Variants in LDLRAD4 observed in about 807,000 individuals in gnomAD.
LDLRAD4 encodes low density lipoprotein receptor class A domain containing 4.
In LDLRAD4, 5 loss-of-function variants were observed where a neutral mutation model predicts 17.0. The observed-to-expected ratio is 0.29, with a 90% confidence interval of 0.15 to 0.62. The LOEUF (loss-of-function observed/expected upper bound fraction) is 0.62, where lower values mean the gene tolerates loss of function less well. Among genes scored for constraint, LDLRAD4 ranks in the 20% least tolerant of loss-of-function variants. LDLRAD4 has a pLI of 0.84. For synonymous variants in LDLRAD4, 168 were observed against 171.8 expected, an observed-to-expected ratio of 0.98 and a Z score of 0.17; for missense variants, 340 against 424.7, an observed-to-expected ratio of 0.80 and a Z score of 1.75.
At chr18:13,406,007 A>G (rs544597748) in intron 2 of LDLRAD4, among the ~76,000 whole-genome samples, 48 of 152,308 alleles carry the variant, frequency 3.2e-4, no homozygotes, top group Non-Finnish European at 6.3e-4. Context: ...CTTCCTGTGC[A>G]ACTTTGAAAA....
intron 1 of LDLRAD4, among the ~76,000 whole-genome samples, chr18:13,231,758 G>A (rs1388600830): frequency 6.6e-6 from 1 of 152,204 alleles, no homozygotes; most frequent in Admixed American, 6.5e-5. Flanking sequence ...CTAATTTCAT[G>A]TTCCTTGGCT....
At chr18:13,624,552 T>C (rs921011565) in intron 4 of LDLRAD4, among the ~76,000 whole-genome samples, 1 of 152,186 alleles carries the variant, frequency 6.6e-6, no homozygotes, top group African/African-American at 2.4e-5. Context: ...GGCTGGCCGA[T>C]TGTGCCTTTG....
At chr18:13,391,283 G>GT (rs1379099423) in intron 2 of LDLRAD4, among the ~76,000 whole-genome samples, 1 of 152,104 alleles carries the variant, frequency 6.6e-6, no homozygotes, top group Non-Finnish European at 1.5e-5. Flanking sequence ...CTTTAAGAGG[G>GT]TTTTGGGCAG....
intron 3 of LDLRAD4, among the ~76,000 whole-genome samples, chr18:13,476,473 A>T (rs755463175): frequency 2.6e-5 from 4 of 151,922 alleles, no homozygotes; most frequent in Non-Finnish European, 5.9e-5. Context: ...AAAAGTTAAG[A>T]ATTAGCCTGG....
At chr18:13,441,065 C>T (rs552572913) in intron 3 of LDLRAD4, among the ~76,000 whole-genome samples, 2 of 152,282 alleles carry the variant, frequency 1.3e-5, no homozygotes, top group Admixed American at 1.3e-4. Flanking sequence ...CTGGGAGCTC[C>T]GGGGCAGGTG....
chr18:13,595,275 T>C (rs1440414380), intron 3 of LDLRAD4, among the ~76,000 whole-genome samples: 2 of 152,196 alleles, frequency 1.3e-5, no homozygotes, highest in African/African-American at 4.8e-5. Flanking sequence ...TTTAATTTAT[T>C]CCTTTTGGTC....
intron 1 of LDLRAD4, among the ~76,000 whole-genome samples, chr18:13,337,868 G>A (rs966903550): frequency 3.3e-5 from 5 of 151,850 alleles, no homozygotes; most frequent in Admixed American, 3.3e-4. Context: ...CTAAAAAAAA[G>A]AAAAGCTCAT....
intron 1 of LDLRAD4, among the ~76,000 whole-genome samples, chr18:13,219,192 G>C (rs956704186): frequency 6.6e-6 from 1 of 151,794 alleles, no homozygotes; most frequent in African/African-American, 2.4e-5. Context: ...AGAGTACAGC[G>C]TTCTTGGGTC....
At chr18:13,498,924 C>G (rs1198284895) in intron 3 of LDLRAD4, among the ~76,000 whole-genome samples, 1 of 150,476 alleles carries the variant, frequency 6.6e-6, no homozygotes, top group African/African-American at 2.5e-5. Context: ...ACACGTCCCA[C>G]CGTGGACACC....
At chr18:13,336,489 T>G (rs1405513909) in intron 1 of LDLRAD4, among the ~76,000 whole-genome samples, 1 of 152,178 alleles carries the variant, frequency 6.6e-6, no homozygotes, top group Non-Finnish European at 1.5e-5. Context: ...TATGCATCTG[T>G]TGACTCTCAT....
At chr18:13,228,037 A>G (rs1174508269) in intron 1 of LDLRAD4, among the ~76,000 whole-genome samples, 1 of 152,178 alleles carries the variant, frequency 6.6e-6, no homozygotes, top group Non-Finnish European at 1.5e-5. Flanking sequence ...GCTGTGCCCC[A>G]TCTCCCTGGG....
chr18:13,507,106 T>C (rs2093706123), intron 3 of LDLRAD4, among the ~76,000 whole-genome samples: 1 of 152,212 alleles, frequency 6.6e-6, no homozygotes, highest in Admixed American at 6.5e-5. Flanking sequence ...TTCAACTTCT[T>C]ATTATATGTT....
intron 3 of LDLRAD4, among the ~76,000 whole-genome samples, chr18:13,594,087 A>T (rs907685861): frequency 1.3e-5 from 2 of 151,872 alleles, no homozygotes; most frequent in Non-Finnish European, 2.9e-5. Flanking sequence ...TTTTATACAC[A>T]TGTGTCTTGG....
At chr18:13,222,173 T>C (rs2041491626) in intron 1 of LDLRAD4, among the ~76,000 whole-genome samples, 1 of 152,184 alleles carries the variant, frequency 6.6e-6, no homozygotes, top group African/African-American at 2.4e-5. Flanking sequence ...CTCAACCGTC[T>C]CCTACAACGT....
intron 3 of LDLRAD4, among the ~76,000 whole-genome samples, chr18:13,484,526 C>G (rs1292020376): frequency 1.3e-5 from 2 of 152,168 alleles, no homozygotes; most frequent in Non-Finnish European, 2.9e-5. Flanking sequence ...GTGGGAGCCT[C>G]TGTTGCTGGA....
intron 1 of LDLRAD4, among the ~76,000 whole-genome samples, chr18:13,252,770 G>T (rs974816620): frequency 2.0e-5 from 3 of 152,238 alleles, no homozygotes; most frequent in African/African-American, 4.8e-5. Context: ...TGCAGAACCA[G>T]CCTCACTTGC....
chr18:13,596,563 A>G (rs769911338), intron 3 of LDLRAD4, among the ~76,000 whole-genome samples: 3 of 152,264 alleles, frequency 2.0e-5, no homozygotes, highest in East Asian at 3.9e-4. Flanking sequence ...TTTTACTCCA[A>G]TATAGCTGTT....
chr18:13,322,220 C>T (rs2081286254), intron 1 of LDLRAD4, among the ~76,000 whole-genome samples: 1 of 151,026 alleles, frequency 6.6e-6, no homozygotes, highest in Non-Finnish European at 1.5e-5. Context: ...ACTTTTACTT[C>T]ACAGCTGATT....
chr18:13,388,750 G>A (rs1046154406), intron 2 of LDLRAD4, among the ~76,000 whole-genome samples: 14 of 152,232 alleles, frequency 9.2e-5, no homozygotes, highest in African/African-American at 2.9e-4. Flanking sequence ...TGGCTTCGGC[G>A]TGAAGAGATG....
Sources: gnomAD v4.1 joint callset for allele counts (sites outside exome capture counted in the v4.1 genomes callset) on GRCh38, gnomAD v4.1.1 for gene constraint, MANE v1.5 for transcripts, NCBI Gene and HGNC (gene_info 2026-07-23, HGNC 2026-07-21) for gene names.